SGCD: variants seen among roughly 807,000 people sequenced by gnomAD.
The protein encoded by SGCD is sarcoglycan delta.
Under a neutral mutation model 36.6 loss-of-function variants are expected in SGCD, and 18 were observed. That is an observed-to-expected ratio of 0.49 (90% CI 0.34 to 0.73). The LOEUF (loss-of-function observed/expected upper bound fraction) is 0.73. SGCD is among the 30% of genes least tolerant of loss of function. SGCD has a pLI of 0.01. For synonymous variants in SGCD, 133 were observed against 130.6 expected (o/e 1.02, Z -0.12); for missense variants, 387 against 346.7 (o/e 1.12, Z -0.92).
At chr5:156,254,074 T>C (rs1402466082) in intron 3 of SGCD, among the ~76,000 whole-genome samples, 2 of 152,192 alleles carry the variant, frequency 1.3e-5, no homozygotes, top group African/African-American at 4.8e-5. Context: ...ATTTTCTTCT[T>C]TTCATTTCTT....
chr5:156,470,947 A>G (rs373463159), intron 3 of SGCD, among the ~76,000 whole-genome samples: 15 of 152,184 alleles, frequency 9.9e-5, no homozygotes, highest in African/African-American at 4.8e-5. Context: ...AGGGAGCTCA[A>G]TCAAAATCCC....
At chr5:156,702,140 T>G (rs1209664420) in intron 7 of SGCD, among the ~76,000 whole-genome samples, 1 of 152,204 alleles carries the variant, frequency 6.6e-6, no homozygotes, top group Non-Finnish European at 1.5e-5. Context: ...CTTCTCTGGG[T>G]CTATATGCAT....
chr5:156,173,823 TA>T (rs58745959), intron 3 of SGCD, among the ~76,000 whole-genome samples: 50,450 of 150,080 alleles, frequency 0.34, 9,087 homozygotes, highest in East Asian at 0.57. Context: ...GATAGTAAAT[TA>T]AAAAAAAAAC....
At chr5:156,081,906 CCTT>C (rs1445735003) in intron 1 of SGCD, among the ~76,000 whole-genome samples, 3 of 152,020 alleles carry the variant, frequency 2.0e-5, no homozygotes, top group South Asian at 2.1e-4. Flanking sequence ...GATTATATGT[CCTT>C]CTTCTTACGG....
At chr5:156,495,890 T>C (rs894418991) in intron 3 of SGCD, among the ~76,000 whole-genome samples, 2 of 152,330 alleles carry the variant, frequency 1.3e-5, no homozygotes, top group South Asian at 2.1e-4. Flanking sequence ...CACCAATGTC[T>C]CTTTTTAAAG....
At chr5:155,942,224 GA>G (rs1757339166) in intron 1 of SGCD, among the ~76,000 whole-genome samples, 1 of 152,188 alleles carries the variant, frequency 6.6e-6, no homozygotes, top group Non-Finnish European at 1.5e-5. Context: ...ATACTTGAAA[GA>G]GGGGTATGGC....
At chr5:155,871,392 A>C (rs1018962178) in intron 1 of SGCD, among the ~76,000 whole-genome samples, 5 of 152,164 alleles carry the variant, frequency 3.3e-5, no homozygotes, top group African/African-American at 1.2e-4. Context: ...TCTCTGCCGA[A>C]GTCCTTATTT....
At chr5:155,736,137 A>T in the SGCD span, among the ~76,000 whole-genome samples, 31 of 152,342 alleles carry the variant, frequency 2.0e-4, no homozygotes, top group African/African-American at 6.5e-4. Context: ...TTGTTAACAC[A>T]CAGATCTTTA....
chr5:156,048,131 G>A (rs13361212), intron 1 of SGCD, among the ~76,000 whole-genome samples: 303 of 152,250 alleles, frequency 2.0e-3, no homozygotes, highest in African/African-American at 7.1e-3. Flanking sequence ...CTCCATCCAT[G>A]TCCCTACAAA....
chr5:155,988,326 A>T (rs1160944657), intron 1 of SGCD, among the ~76,000 whole-genome samples: 1 of 152,116 alleles, frequency 6.6e-6, no homozygotes, highest in African/African-American at 2.4e-5. Context: ...TTAGAAAAAA[A>T]TACGTTTTCC....
chr5:156,749,225 A>C (rs894243591), intron 7 of SGCD, among the ~76,000 whole-genome samples: 9 of 152,198 alleles, frequency 5.9e-5, no homozygotes, highest in Admixed American at 5.9e-4. Flanking sequence ...TATAAACCTC[A>C]TAGGCCAAAA....
chr5:156,537,842 A>G (rs1758183708), intron 4 of SGCD, among the ~76,000 whole-genome samples: 1 of 126,366 alleles, frequency 7.9e-6, no homozygotes, highest in Non-Finnish European at 1.8e-5. Context: ...AGTGAATGGA[A>G]AGAAAAAAAA....
chr5:156,617,236 G>A (rs945168297), intron 6 of SGCD, among the ~76,000 whole-genome samples: 1 of 151,732 alleles, frequency 6.6e-6, no homozygotes, highest in Non-Finnish European at 1.5e-5. Context: ...TCACCTGACA[G>A]TGTAGTAAAA....
At chr5:156,585,717 A>G (rs1349637229) in intron 4 of SGCD, among the ~76,000 whole-genome samples, 1 of 152,072 alleles carries the variant, frequency 6.6e-6, no homozygotes, top group African/African-American at 2.4e-5. Context: ...TATAAGGGAG[A>G]ATTTTCTAAT....
chr5:156,505,407 C>T (rs1295349564), intron 3 of SGCD, among the ~76,000 whole-genome samples: 2 of 152,234 alleles, frequency 1.3e-5, no homozygotes, highest in African/African-American at 4.8e-5. Flanking sequence ...GAAAAGTACC[C>T]ATTTTCCACT....
chr5:156,337,648 A>G (rs182485564), intron 2 of SGCD, among the ~76,000 whole-genome samples: 1 of 152,246 alleles, frequency 6.6e-6, no homozygotes, highest in East Asian at 1.9e-4. Context: ...TATTACAGGT[A>G]CCTCTTCGTT....
chr5:156,466,857 A>T (rs988006510), intron 3 of SGCD, among the ~76,000 whole-genome samples: 1 of 152,228 alleles, frequency 6.6e-6, no homozygotes, highest in African/African-American at 2.4e-5. Context: ...CAATGTAGTC[A>T]TAAAATGCAA....
intron 7 of SGCD, among the ~76,000 whole-genome samples, chr5:156,670,618 A>G (rs953349888): frequency 2.6e-5 from 4 of 152,334 alleles, no homozygotes; most frequent in South Asian, 4.1e-4. Context: ...CAAGCTTACA[A>G]CAGTTTTTAC....
In SGCD at chr5:156,185,446, C is replaced by T. The variant is rs372187011; in HGVS notation, c.-44+61427C>T. The stretch of plus-strand genomic sequence containing the variant: ...AGCCAGGATGGTCTCGATCTCCTGA[C>T]CTTGTGATCCGCCCGCCTTGGCCTC... On this transcript the variant is annotated intron_variant, in intron 3 of 9. Coordinates refer to the SGCD transcript ENST00000517913. Among the ~76,000 whole-genome samples, 26 of 152,084 alleles carry T rather than the reference C, an allele frequency of 1.7e-4. No homozygotes were observed. In the East Asian group the frequency reaches 4.9e-3, roughly 29 times the overall value.
Sources: gnomAD v4.1 joint callset for allele counts (sites outside exome capture counted in the v4.1 genomes callset) on GRCh38, gnomAD v4.1.1 for gene constraint, MANE v1.5 for transcripts, NCBI Gene and HGNC (gene_info 2026-07-23, HGNC 2026-07-21) for gene names.